SYNE2: variants seen among roughly 807,000 people sequenced by gnomAD.
SYNE2 encodes the protein spectrin repeat containing nuclear envelope protein 2.
In SYNE2, 431 loss-of-function variants were observed where a neutral mutation model predicts 856.3. The ratio of observed to expected loss-of-function variants is 0.50; its 90% CI spans 0.47 to 0.55. The LOEUF (loss-of-function observed/expected upper bound fraction) is 0.55, where lower values mean the gene tolerates loss of function less well. Among genes scored for constraint, SYNE2 ranks in the 20% least tolerant of loss-of-function variants. The probability of loss-of-function intolerance (pLI) is 0.00; values close to 1 mark genes in which losing one functional copy is unlikely to be tolerated. For missense variants in SYNE2, 8,129 were observed against 8,023.2 expected (o/e 1.01, Z -0.50); for synonymous variants, 2,923 against 2,872.3 (o/e 1.02, Z -0.56).
At chr14:64,009,472 G>A (rs1427033467) in intron 31 of SYNE2, among the ~76,000 whole-genome samples, 3 of 146,386 alleles carry the variant, frequency 2.0e-5, no homozygotes, top group South Asian at 2.2e-4. Context: ...GGAGGCGGAC[G>A]TTGCAGTGAG....
In SYNE2 at chr14:64,150,007, C is replaced by CTT. The variant is rs755126549; in HGVS notation, c.15640-2536_15640-2535dup. 2.3e-3 allele frequency among the ~76,000 whole-genome samples: 213 copies of CTT among 94,298 alleles called. 1 individual carries two copies. Among genetic ancestry groups the CTT allele is most frequent in the African/African-American group, 3.6e-3 (86 of 24,086 alleles). The allele number at this position is 94,298 out of a possible 152,430, so 61.9% of individuals were successfully genotyped here. Reference sequence around the variant, plus strand: ...TTGCCATGGCTTTTTTTTTTCTTTTCTTTTTTTTTTTTTTTTTTTTTTGAT... The same window carrying CTT: ...TTGCCATGGCTTTTTTTTTTCTTTTCTTTTTTTTTTTTTTTTTTTTTTTTGAT... On this transcript the variant is annotated intron_variant, in intron 84 of 115. Transcript: ENST00000555002.
chr14:63,785,893 C>T (rs545197501), intron 1 of SYNE2, among the ~76,000 whole-genome samples: 2 of 152,206 alleles, frequency 1.3e-5, no homozygotes, highest in East Asian at 3.9e-4. Context: ...ACCAATCGAG[C>T]CCAGGAGTTC....
chr14:63,958,714 G>A (rs1042282984), intron 8 of SYNE2, among the ~76,000 whole-genome samples: 4 of 152,122 alleles, frequency 2.6e-5, no homozygotes, highest in African/African-American at 7.2e-5. Flanking sequence ...TCTCCTTGAT[G>A]GCAGATTATC....
chr14:63,787,590 TGCAGTGGGTA>T (rs1566566220), intron 1 of SYNE2, among the ~76,000 whole-genome samples: 1 of 152,204 alleles, frequency 6.6e-6, no homozygotes, highest in Non-Finnish European at 1.5e-5. Flanking sequence ...AGAGGAGACC[TGCAGTGGGTA>T]GCTCCCCTCT....
intron 83 of SYNE2, among the ~76,000 whole-genome samples, chr14:64,145,780 A>T (rs1394672198): frequency 1.3e-5 from 2 of 152,192 alleles, no homozygotes; most frequent in African/African-American, 4.8e-5. Context: ...CAATGAAAAA[A>T]TATCGAATGT....
chr14:63,918,586 C>T (rs967887897), intron 2 of SYNE2, among the ~76,000 whole-genome samples: 35 of 152,262 alleles, frequency 2.3e-4, no homozygotes, highest in African/African-American at 7.9e-4. Flanking sequence ...AATTTACTGT[C>T]GTTGAAGGTC....
At chr14:64,073,599 G>A (rs2097430870) in intron 52 of SYNE2, among the ~76,000 whole-genome samples, 1 of 152,200 alleles carries the variant, frequency 6.6e-6, no homozygotes, top group Admixed American at 6.5e-5. Flanking sequence ...AAGAGAAGAA[G>A]CCCAGTGGGA....
intron 8 of SYNE2, among the ~76,000 whole-genome samples, chr14:63,955,942 A>G (rs1228007016): frequency 6.6e-6 from 1 of 152,232 alleles, no homozygotes; most frequent in Non-Finnish European, 1.5e-5. Flanking sequence ...TAAGAGGTAT[A>G]TCAGAACTTC....
At chr14:63,897,248 A>G (rs932466593) in intron 1 of SYNE2, among the ~76,000 whole-genome samples, 4 of 152,010 alleles carry the variant, frequency 2.6e-5, no homozygotes. Context: ...GTGAGACCCT[A>G]TCTCTAAATA....
intron 50 of SYNE2, among the ~76,000 whole-genome samples, chr14:64,064,139 A>C (rs2097339323): frequency 6.6e-6 from 1 of 152,180 alleles, no homozygotes; most frequent in African/African-American, 2.4e-5. Flanking sequence ...AAATGAAGTG[A>C]GGTAATGAAA....
At chr14:63,913,009 C>T (rs1197573539) in intron 2 of SYNE2, among the ~76,000 whole-genome samples, 13 of 152,286 alleles carry the variant, frequency 8.5e-5, no homozygotes, top group South Asian at 4.1e-4. Context: ...ACACGACTCA[C>T]TGCAGCCTCA....
intron 68 of SYNE2, among the ~76,000 whole-genome samples, chr14:64,121,454 C>G (rs1456509737): frequency 6.6e-6 from 1 of 152,130 alleles, no homozygotes; most frequent in African/African-American, 2.4e-5. Context: ...ATCCAGGAGG[C>G]AGAGGTTGCA....
rs531400098 is a variant in SYNE2 at position 63,869,564 on chromosome 14, G to A, written c.-52+16421G>A. ...TTGAAACGGAGGTGGTGGGGGAAGG[G>A]GGCAGAGGTTGCAGTGAGCTGAGAT... On this transcript the variant is annotated intron_variant, in intron 1 of 115. Coordinates refer to ENST00000555002, the MANE Select transcript of SYNE2 (RefSeq NM_182914.3). 8.6e-5 allele frequency among the ~76,000 whole-genome samples: 13 copies of A among 150,368 alleles called. No homozygotes were observed. In the East Asian group the frequency reaches 1.8e-3, roughly 20 times the overall value.
At chr14:64,220,917 C>T (rs867189423) in intron 111 of SYNE2, among the ~76,000 whole-genome samples, 1 of 152,136 alleles carries the variant, frequency 6.6e-6, no homozygotes, top group Non-Finnish European at 1.5e-5. Context: ...CCCACAACTC[C>T]TCTTTTTGTC....
At chr14:64,106,915 G>T (rs1231065260) in intron 64 of SYNE2, among the ~76,000 whole-genome samples, 1 of 152,068 alleles carries the variant, frequency 6.6e-6, no homozygotes, top group Non-Finnish European at 1.5e-5. Context: ...AGTAATACAA[G>T]AATTCTACTT....
intron 1 of SYNE2, among the ~76,000 whole-genome samples, chr14:63,797,168 G>A (rs928334405): frequency 2.0e-5 from 3 of 151,662 alleles, no homozygotes; most frequent in African/African-American, 4.8e-5. Flanking sequence ...AGGCTGAGGT[G>A]GGCAGATCAC....
At chr14:64,181,419 C>T (rs1037490169) in intron 96 of SYNE2, among the ~76,000 whole-genome samples, 4 of 152,184 alleles carry the variant, frequency 2.6e-5, no homozygotes, top group African/African-American at 9.7e-5. Flanking sequence ...GAAACCTGTG[C>T]AGAACATGAA....
rs146383004 is a variant in SYNE2 at position 64,073,323 on chromosome 14, T to C, written c.10698-645T>C. Among the ~76,000 whole-genome samples, 20 of 152,214 alleles carry C rather than the reference T, an allele frequency of 1.3e-4. No individual in the cohort carries two copies. The East Asian group carries it at 3.3e-3, about 25-fold the overall frequency. On this transcript the variant is annotated intron_variant, in intron 52 of 115. Coordinates refer to ENST00000555002, the MANE Select transcript of SYNE2 (RefSeq NM_182914.3). Reference sequence around the variant, plus strand: ...GCCTTCTTAGAACTAAAGATGCTCCTATCACTCAGGAAATTACAAAGGGCT... The same window carrying C: ...GCCTTCTTAGAACTAAAGATGCTCCCATCACTCAGGAAATTACAAAGGGCT...
intron 66 of SYNE2, among the ~76,000 whole-genome samples, chr14:64,118,994 G>A (rs1258078784): frequency 2.0e-5 from 3 of 152,118 alleles, no homozygotes; most frequent in African/African-American, 7.2e-5. Flanking sequence ...GACCTTAGGA[G>A]GTGAGTTCGG....
Sources: allele counts gnomAD v4.1 joint callset (sites outside exome capture counted in the v4.1 genomes callset), GRCh38; gene constraint gnomAD v4.1.1; transcripts MANE v1.5; gene names NCBI Gene and HGNC (gene_info 2026-07-23, HGNC 2026-07-21).